Variants in ECI1 observed in about 807,000 individuals in gnomAD.
ECI1 encodes the protein enoyl-CoA delta isomerase 1, mitochondrial.
ECI1 carries 34 observed loss-of-function variants against 34.2 expected under a neutral mutation model. The observed-to-expected ratio is 1.00, with a 90% CI of 0.76 to 1.33. The LOEUF (loss-of-function observed/expected upper bound fraction) is 1.33, where lower values mean the gene tolerates loss of function less well. Ranked by LOEUF, ECI1 falls within the 40% of genes most tolerant of loss-of-function variation. ECI1 has a pLI of 0.00. For synonymous variants in ECI1, 211 were observed against 193.0 expected, an observed-to-expected ratio of 1.09 and a Z score of -0.77; for missense variants, 456 against 422.2, an observed-to-expected ratio of 1.08 and a Z score of -0.70.
At chr16:2,244,633 G>A (rs1464507357) in intron 3 of ECI1, 81 bp from the exon 4 acceptor site, 4 of 1,462,508 alleles carry the variant, frequency 2.7e-6, no homozygotes, top group South Asian at 2.5e-5. Context: ...GGGAGCCCAG[G>A]TGCACGACGC....
Position 2,251,320 on chromosome 16 carries a change from GC to G in ECI1, c.161del (p.Gly54AlafsTer6). 1.6e-6 allele frequency: 2 copies of G among 1,217,022 alleles called. No homozygotes were observed. Among genetic ancestry groups the G allele is most frequent in the Non-Finnish European group, 2.1e-6 (2 of 972,354 alleles). The allele number at this position is 1,217,022 out of a possible 1,614,324, so 75.4% of individuals were successfully genotyped here. A position where few individuals can be genotyped will look rare whatever the true frequency, so the allele number is the denominator to read the frequency against. On this transcript the variant is annotated frameshift_variant, in exon 2 of 7. Coordinates refer to ENST00000301729, the MANE Select transcript of ECI1 (RefSeq NM_001919.4). LOFTEE classifies it high-confidence loss of function. The stretch of plus-strand genomic sequence containing the variant: ...CCCTCGGCGCCGCCCGCTCACCTGC[GC>G]CCGCGTCCGGCTCCACCAGCACCCG... ...SQRVLVEPDAGAGVAVMKFKN... is the reference protein window; with the variant it reads ...SQRVLVEPDAXAGVAVMKFKN...
At chr16:2,244,156 G>C (rs2093534663) in intron 4 of ECI1, 1 of 567,382 alleles carries the variant, frequency 1.8e-6, no homozygotes, top group South Asian at 2.0e-5. Context: ...ATCAACCCCA[G>C]GCCCTGGTCC....
In ECI1 at chr16:2,243,391, G is replaced by A. The variant is rs773973843; in HGVS notation, c.490C>T (p.Arg164Cys). Residue 164 changes from arginine to cysteine, a missense_variant, in exon 5 of 7, where the codon CGC becomes TGC. Transcript: ENST00000301729. Reference protein sequence around the residue: ...GCLVALTCDYRILADNPRYCI... With the variant: ...GCLVALTCDYCILADNPRYCI... ...TACCTGGGGTTGTCCGCCAGGATGCGGTAGTCACAGGTCAGGGCCACCAGG... is the reference window on the plus strand; with the variant it reads ...TACCTGGGGTTGTCCGCCAGGATGCAGTAGTCACAGGTCAGGGCCACCAGG... The A allele has an allele frequency of 5.0e-6, 8 of 1,613,482 alleles. No individual in the cohort carries two copies. In the South Asian group the frequency reaches 6.6e-5, roughly 13 times the overall value.
At chr16:2,244,668 G>A (rs1294154419) in intron 3 of ECI1, 116 bp from the exon 4 acceptor site, 6 of 1,154,464 alleles carry the variant, frequency 5.2e-6, no homozygotes, top group Admixed American at 2.1e-5. Flanking sequence ...TCACGCTCAG[G>A]GTGTGGGTGC....
At position 2,239,970 on chromosome 16, in the gene ECI1, G is replaced by C. The variant is rs755191399; in HGVS notation, c.*9C>G. The stretch of plus-strand genomic sequence containing the variant: ...CACGTGTGGCCGTAAGCCTGTGGCA[G>C]CCCAATCGTTAGCCTTTTTCTTCTT... On this transcript the variant is annotated 3_prime_UTR_variant, in exon 7 of 7. Transcript: ENST00000301729. 6 of 1,613,498 alleles carry C rather than the reference G, an allele frequency of 3.7e-6. No individual in the cohort carries two copies. Among genetic ancestry groups the C allele is most frequent in the Non-Finnish European group, 4.2e-6 (5 of 1,179,962 alleles).
rs768684246 is a variant in ECI1, at chr16:2,246,910, G to A, written c.243C>T (p.Ser81=). ...SLEFLTELVI[S]LEKLENDKSF... is the part of the protein sequence containing the mutation. Reference sequence around the variant, plus strand: ...TCTTGTCATTCTCCAGCTTCTCCAGGCTGATGACCAGCTCCGTCAGAAACT... The same window carrying A: ...TCTTGTCATTCTCCAGCTTCTCCAGACTGATGACCAGCTCCGTCAGAAACT... The change falls in exon 3 of 7, where the codon AGC becomes AGT. Residue 81 remains serine, a synonymous_variant. Coordinates refer to ENST00000301729, the MANE Select transcript of ECI1 (RefSeq NM_001919.4). 1 of 1,613,854 alleles carries A rather than the reference G, an allele frequency of 6.2e-7. No individual in the cohort carries two copies. Among genetic ancestry groups the A allele is most frequent in the East Asian group, 2.2e-5 (1 of 44,884 alleles).
chr16:2,245,654 C>T (rs984021660), intron 3 of ECI1, among the ~76,000 whole-genome samples: 2 of 152,070 alleles, frequency 1.3e-5, no homozygotes, highest in African/African-American at 4.8e-5. Context: ...CTGCTTGAGG[C>T]CAGGAGTTCA....
intron 6 of ECI1, among the ~76,000 whole-genome samples, chr16:2,242,149 C>T (rs2093529508): frequency 6.6e-6 from 1 of 152,156 alleles, no homozygotes; most frequent in Non-Finnish European, 1.5e-5. Flanking sequence ...TGAGCCACCG[C>T]GCCTGGCCCA....
In ECI1 at chr16:2,239,947, C is replaced by A. The variant is rs564393668; in HGVS notation, c.*32G>T. Reference sequence around the variant, plus strand: ...GACCTCCCTGGGACCCACAGGGGCACGTGTGGCCGTAAGCCTGTGGCAGCC... The same window carrying A: ...GACCTCCCTGGGACCCACAGGGGCAAGTGTGGCCGTAAGCCTGTGGCAGCC... On this transcript the variant is annotated 3_prime_UTR_variant, in exon 7 of 7. Coordinates refer to ENST00000301729, the MANE Select transcript of ECI1 (RefSeq NM_001919.4). 8.8e-5 allele frequency: 142 copies of A among 1,612,070 alleles called. No individual in the cohort carries two copies. The East Asian group carries it at 3.0e-3, about 34-fold the overall frequency.
chr16:2,249,837 C>T, intron 2 of ECI1, among the ~76,000 whole-genome samples: 1 of 131,204 alleles, frequency 7.6e-6, no homozygotes. Context: ...GAGATCGTGC[C>T]ACTGCACTCC....
In ECI1 at chr16:2,246,477, C is replaced by T. The variant is rs779645542; in HGVS notation, c.294+382G>A. ...CAGCTCTCCCCAGTGTCCGCCTGGA[C>T]GACGGCCCGGGCAGGGAAGGCTGTC... is the stretch of plus-strand genomic sequence containing the variant. On this transcript the variant is annotated intron_variant, in intron 3 of 6. Transcript: ENST00000301729. Among the ~76,000 whole-genome samples, 23 of 152,160 alleles carry T rather than the reference C, an allele frequency of 1.5e-4. 1 individual carries two copies. The highest frequency in any genetic ancestry group is 6.5e-4 in the Admixed American group (10 of 15,284).
At position 2,243,218 on chromosome 16, in the gene ECI1, T is replaced by C; in HGVS notation, c.570A>G (p.Lys190=). The stretch of plus-strand genomic sequence containing the variant: ...GCCCGATGGTGTTCTCCAGGGTGTC[T>C]TTCAACCTGGAAATGCAGACACCCA... ...QLGIIAPFWL[K]DTLENTIGHR... is the part of the protein sequence containing the mutation. Residue 190 remains lysine (K), a synonymous_variant, in exon 6 of 7, where the codon AAA becomes AAG. Transcript: ENST00000301729. 2.5e-6 allele frequency: 4 copies of C among 1,612,258 alleles called. No individual in the cohort carries two copies. The highest frequency in any genetic ancestry group is 3.3e-5 in the Admixed American group (2 of 60,030).
rs535910688 is a variant in ECI1, at chr16:2,246,244, A to C, written c.294+615T>G. 5.3e-5 allele frequency among the ~76,000 whole-genome samples: 8 copies of C among 152,242 alleles called. No individual in the cohort carries two copies. In the South Asian group the frequency reaches 1.4e-3, roughly 28 times the overall value. The stretch of plus-strand genomic sequence containing the variant: ...TCAGGCAACATTTAGAGTCCCCTGC[A>C]CAAGAACTCAGACCAAAGAGGTTCA... On this transcript the variant is annotated intron_variant, in intron 3 of 6. Transcript: ENST00000301729.
intron 6 of ECI1, chr16:2,241,790 C>G (rs1237821677): frequency 6.6e-6 from 1 of 151,886 alleles, no homozygotes; most frequent in Admixed American, 6.6e-5. Context: ...CTCCCAAGTT[C>G]AAGCGATTCT....
intron 6 of ECI1, among the ~76,000 whole-genome samples, chr16:2,242,238 C>T (rs910393630): frequency 2.0e-5 from 3 of 152,156 alleles, no homozygotes; most frequent in Non-Finnish European, 2.9e-5. Context: ...AGTGATCTGC[C>T]TGCCTCAGCC....
chr16:2,245,562 T>C (rs1322594658), intron 3 of ECI1, among the ~76,000 whole-genome samples: 2 of 152,210 alleles, frequency 1.3e-5, no homozygotes, highest in Non-Finnish European at 2.9e-5. Flanking sequence ...AAACGCGTTC[T>C]ACTTCCGTTA....
Position 2,243,541 on chromosome 16 carries a change from C to T in ECI1, c.442-102G>A, listed in dbSNP as rs938073585. 4.1e-5 allele frequency: 60 copies of T among 1,453,976 alleles called. No individual in the cohort carries two copies. The Middle Eastern group carries it at 2.1e-3, about 52-fold the overall frequency. 90.1% of individuals were successfully genotyped at this position (1,453,976 alleles called of 1,614,324 possible). A position where few individuals can be genotyped will look rare whatever the true frequency, so the allele number is the denominator to read the frequency against. On this transcript the variant is annotated intron_variant, in intron 4 of 6. Coordinates refer to ENST00000301729, the MANE Select transcript of ECI1 (RefSeq NM_001919.4). ...GAGGGCCTGTGCCCTTGGCGCACCC[C>T]GACCCCCGCAGGGTTCAACACCCAC...
chr16:2,248,605 G>T (rs1475077822), intron 2 of ECI1, among the ~76,000 whole-genome samples: 2 of 150,988 alleles, frequency 1.3e-5, no homozygotes, highest in Non-Finnish European at 2.9e-5. Flanking sequence ...GTAGAGACGG[G>T]GTTTCACCAG....
At chr16:2,245,779 G>A (rs377309203) in intron 3 of ECI1, among the ~76,000 whole-genome samples, 28 of 152,198 alleles carry the variant, frequency 1.8e-4, no homozygotes, top group East Asian at 1.4e-3. Flanking sequence ...CTGGGGAGCC[G>A]AGGTGGGAGG....
Sources: allele counts gnomAD v4.1 joint callset (sites outside exome capture counted in the v4.1 genomes callset), GRCh38; gene constraint gnomAD v4.1.1; transcripts MANE v1.5; gene names NCBI Gene and HGNC (gene_info 2026-07-23, HGNC 2026-07-21).